Variants in RGS6 observed in about 807,000 individuals in gnomAD.
RGS6 encodes the protein regulator of G-protein signaling 6.
In RGS6, 30 loss-of-function variants were observed where a neutral mutation model predicts 78.5. The observed-to-expected ratio is 0.38, with a 90% CI of 0.29 to 0.52. The LOEUF (loss-of-function observed/expected upper bound fraction) is 0.52. RGS6 is among the 20% of genes least tolerant of loss of function. The probability of loss-of-function intolerance (pLI) is 0.85; values close to 1 mark genes in which losing one functional copy is unlikely to be tolerated. For missense variants in RGS6, 495 were observed against 609.7 expected, an observed-to-expected ratio of 0.81 and a Z score of 1.98; for synonymous variants, 206 against 206.0, an observed-to-expected ratio of 1.00 and a Z score of 0.00.
At chr14:72,100,962 C>G (rs766779608) in intron 2 of RGS6, among the ~76,000 whole-genome samples, 3 of 152,120 alleles carry the variant, frequency 2.0e-5, no homozygotes, top group Non-Finnish European at 4.4e-5. Flanking sequence ...AGTTCAAGAC[C>G]AGCCTGGGCA....
intron 3 of RGS6, among the ~76,000 whole-genome samples, chr14:72,415,163 C>A (rs984140117): frequency 2.0e-5 from 3 of 152,272 alleles, no homozygotes; most frequent in Admixed American, 6.5e-5. Flanking sequence ...GCAGGCAGGC[C>A]TCCTTGAGCT....
At chr14:71,929,025 T>C (rs1265051297), upstream of RGS6, among the ~76,000 whole-genome samples, 6 of 152,338 alleles carry the variant, frequency 3.9e-5, no homozygotes, top group South Asian at 8.3e-4. Flanking sequence ...ACAAAAGCTA[T>C]AAAAATAATT....
At chr14:72,470,676 T>C (rs2096053953) in intron 8 of RGS6, among the ~76,000 whole-genome samples, 1 of 152,060 alleles carries the variant, frequency 6.6e-6, no homozygotes, top group Non-Finnish European at 1.5e-5. Context: ...GGTCAGGAGT[T>C]CGAGACCAAC....
chr14:72,381,327 T>C (rs2086041975), intron 3 of RGS6, among the ~76,000 whole-genome samples: 1 of 152,092 alleles, frequency 6.6e-6, no homozygotes, highest in Non-Finnish European at 1.5e-5. Flanking sequence ...AAAAGATAAA[T>C]GTTTGAGATG....
chr14:72,405,444 A>G (rs977646896), intron 3 of RGS6, among the ~76,000 whole-genome samples: 3 of 152,196 alleles, frequency 2.0e-5, no homozygotes, highest in Non-Finnish European at 4.4e-5. Flanking sequence ...AACACAGCAA[A>G]GAGTCAATGA....
intron 3 of RGS6, among the ~76,000 whole-genome samples, chr14:72,375,457 C>T (rs2084458490): frequency 6.6e-6 from 1 of 152,218 alleles, no homozygotes; most frequent in Admixed American, 6.5e-5. Context: ...CCCTGGCAGA[C>T]ACGTCCCTAG....
At chr14:71,928,162 A>C (rs2087746201), upstream of RGS6, among the ~76,000 whole-genome samples, 1 of 152,112 alleles carries the variant, frequency 6.6e-6, no homozygotes, top group Non-Finnish European at 1.5e-5. Context: ...CTGGTTGTTC[A>C]AGACTCTTTA....
At chr14:72,225,152 C>T (rs865870018) in intron 2 of RGS6, among the ~76,000 whole-genome samples, 18 of 152,196 alleles carry the variant, frequency 1.2e-4, no homozygotes, top group Middle Eastern at 6.8e-3. Flanking sequence ...CATTAGGCTC[C>T]TGGGTCGGGC....
At chr14:72,215,305 G>A (rs1567492221) in intron 2 of RGS6, among the ~76,000 whole-genome samples, 1 of 152,300 alleles carries the variant, frequency 6.6e-6, no homozygotes, top group Non-Finnish European at 1.5e-5. Context: ...GTCTATTTCT[G>A]AGTGCTTGGA....
chr14:72,108,553 T>A (rs544486275), intron 2 of RGS6, among the ~76,000 whole-genome samples: 2 of 152,098 alleles, frequency 1.3e-5, no homozygotes, highest in African/African-American at 4.8e-5. Flanking sequence ...TTATGTTGCA[T>A]CTTACTTGTC....
chr14:71,981,091 G>T (rs1482508326), intron 2 of RGS6, among the ~76,000 whole-genome samples: 1 of 147,988 alleles, frequency 6.8e-6, no homozygotes, highest in Non-Finnish European at 1.5e-5. Context: ...CATAGTTGTC[G>T]AGCCTTGGTT....
intron 3 of RGS6, among the ~76,000 whole-genome samples, chr14:72,417,675 T>C (rs1038146165): frequency 6.6e-6 from 1 of 152,220 alleles, no homozygotes. Context: ...AAGCCTGCAC[T>C]TCTGTTTCCT....
chr14:72,132,779 T>C (rs1243045612), intron 2 of RGS6, among the ~76,000 whole-genome samples: 2 of 151,392 alleles, frequency 1.3e-5, no homozygotes, highest in Non-Finnish European at 2.9e-5. Context: ...GTTTTGTTTG[T>C]CGTTTTTTTT....
In RGS6 at chr14:72,446,578, G is replaced by A. The variant is rs2095369166; in HGVS notation, c.185-7950G>A. The stretch of plus-strand genomic sequence containing the variant: ...TGGAAGACAGTTTTTCCACGGACCA[G>A]GGTTGTGGGGGATGGTTTCAGGATG... On this transcript the variant is annotated intron_variant, in intron 3 of 17. Transcript: ENST00000553525. Among the ~76,000 whole-genome samples, 3 of 152,176 alleles carry A rather than the reference G, an allele frequency of 2.0e-5. No individual in the cohort carries two copies. In the South Asian group the frequency reaches 6.2e-4, roughly 32 times the overall value.
At chr14:72,481,446 G>T (rs906564310) in intron 12 of RGS6, among the ~76,000 whole-genome samples, 1 of 152,148 alleles carries the variant, frequency 6.6e-6, no homozygotes, top group African/African-American at 2.4e-5. Flanking sequence ...CCCACACAGA[G>T]ATCTCTGCAG....
At chr14:71,951,887 A>G (rs1487249982) in intron 1 of RGS6, among the ~76,000 whole-genome samples, 4 of 152,176 alleles carry the variant, frequency 2.6e-5, no homozygotes, top group Non-Finnish European at 5.9e-5. Flanking sequence ...TTAAAAATAT[A>G]TCATTTTCTG....
At chr14:72,431,843 T>TA (rs910810210) in intron 3 of RGS6, among the ~76,000 whole-genome samples, 28 of 152,284 alleles carry the variant, frequency 1.8e-4, no homozygotes, top group African/African-American at 6.3e-4. Context: ...TTTCTCCTCT[T>TA]ATTCCAGTGA....
chr14:72,000,576 C>A (rs192915702), intron 2 of RGS6, among the ~76,000 whole-genome samples: 1 of 151,868 alleles, frequency 6.6e-6, no homozygotes, highest in Non-Finnish European at 1.5e-5. Context: ...TGGAGGATGC[C>A]GGAAGGAGAA....
chr14:72,422,212 CTT>C (rs2094222337), intron 3 of RGS6, among the ~76,000 whole-genome samples: 1 of 152,214 alleles, frequency 6.6e-6, no homozygotes, highest in Non-Finnish European at 1.5e-5. Flanking sequence ...CATTAAACCT[CTT>C]TCTTTTGTAA....
Sources: gnomAD v4.1 joint callset for allele counts (sites outside exome capture counted in the v4.1 genomes callset) on GRCh38, gnomAD v4.1.1 for gene constraint, MANE v1.5 for transcripts, NCBI Gene and HGNC (gene_info 2026-07-23, HGNC 2026-07-21) for gene names.